LONRF3: variants seen among roughly 807,000 people sequenced by gnomAD.
LONRF3 encodes the protein LON peptidase N-terminal domain and ring finger 3, also known as LON peptidase N-terminal domain and RING finger protein 3.
A neutral mutation model predicts 51.7 loss-of-function variants in LONRF3; 19 were observed. That is an observed-to-expected ratio of 0.37 (90% CI 0.26 to 0.54). The LOEUF is 0.54. Ranked by LOEUF, LONRF3 falls within the 20% of genes least tolerant of loss-of-function variation. The pLI, the probability that LONRF3 is intolerant of heterozygous loss-of-function variation, is 0.86. For missense variants in LONRF3, 521 were observed against 623.9 expected (o/e 0.84, Z 1.76); for synonymous variants, 265 against 257.8 (o/e 1.03, Z -0.27).
At position 119,017,222 on chromosome X, in the gene LONRF3, G is replaced by C. The variant is rs377232773; in HGVS notation, c.2125-313G>C. 2.3e-4 allele frequency among the ~76,000 whole-genome samples: 26 copies of C among 111,768 alleles called. No homozygotes were observed. In the East Asian group the frequency reaches 7.1e-3, roughly 30 times the overall value. On this transcript the variant is annotated intron_variant, in intron 10 of 10. Coordinates refer to ENST00000371628, the MANE Select transcript of LONRF3 (RefSeq NM_001031855.3). ...TAGCTAGGGGAAAGGGAGAGAAAGA[G>C]GAAGGCAGAGGGCATATGCTTCTTT...
chrX:118,999,194 C>T (rs1279797399), intron 5 of LONRF3, among the ~76,000 whole-genome samples: 2 of 111,508 alleles, frequency 1.8e-5, no homozygotes, highest in Admixed American at 9.5e-5. Flanking sequence ...CTTTGGCAGA[C>T]CTGATAACAA....
intron 1 of LONRF3, among the ~76,000 whole-genome samples, 174 bp from the exon 2 acceptor site, chrX:118,978,171 G>A (rs1922236045): frequency 9.0e-6 from 1 of 111,074 alleles, no homozygotes; most frequent in African/African-American, 3.3e-5. Context: ...AGAGTGGCTG[G>A]GGGTATAGAA....
In LONRF3 at chrX:118,982,031, C is replaced by T. The variant is rs768431699; in HGVS notation, c.937-790C>T. On this transcript the variant is annotated intron_variant, in intron 2 of 10. Transcript: ENST00000371628. ...ACACACAGAGGGCAGCCCTCTCCCC[C>T]GCTACTCTTTTTTCTTCCTTCTTCC... Among the ~76,000 whole-genome samples, 4 of 112,091 alleles carry T rather than the reference C, an allele frequency of 3.6e-5. No homozygotes were observed. In the South Asian group the frequency reaches 1.1e-3, roughly 32 times the overall value.
chrX:119,000,726 T>G, intron 5 of LONRF3, among the ~76,000 whole-genome samples: 1 of 109,818 alleles, frequency 9.1e-6, no homozygotes, highest in East Asian at 2.9e-4. Context: ...TAACCTAGTT[T>G]TAGCTACTCA....
chrX:119,006,200 G>A lies in LONRF3; in HGVS notation c.1495G>A (p.Ala499Thr), dbSNP rs759140458. The A allele has an allele frequency of 2.5e-6, 3 of 1,193,710 alleles. No individual in the cohort carries two copies. Among genetic ancestry groups the A allele is most frequent in the African/African-American group, 3.5e-5 (2 of 57,427 alleles). Reference protein sequence around the residue: ...KCLERCLDHNAKCPLCKDGLS... With the variant: ...KCLERCLDHNTKCPLCKDGLS... The stretch of plus-strand genomic sequence containing the variant: ...CCTAGAAAGATGCCTAGATCACAAC[G>A]CAAAGTGTCCATTGTGCAAAGACGG... Residue 499 changes from alanine (A) to threonine (T), a missense_variant, in exon 6 of 11, where the codon GCA becomes ACA. Coordinates refer to ENST00000371628, the MANE Select transcript of LONRF3 (RefSeq NM_001031855.3).
intron 8 of LONRF3, chrX:119,012,797 T>C: frequency 1.3e-6 from 1 of 782,695 alleles, no homozygotes; most frequent in South Asian, 2.6e-5. Context: ...ATTCAAACCA[T>C]AGCACTGGCA....
intron 2 of LONRF3, among the ~76,000 whole-genome samples, chrX:118,980,381 A>G (rs1008179007): frequency 2.7e-5 from 3 of 112,227 alleles, no homozygotes; most frequent in South Asian, 3.7e-4. Flanking sequence ...TAAACACTTT[A>G]TATCAGTTTA....
chrX:119,002,502 A>G (rs1924389420), intron 5 of LONRF3, among the ~76,000 whole-genome samples: 1 of 112,036 alleles, frequency 8.9e-6, no homozygotes, highest in Admixed American at 9.5e-5. Context: ...TGAATCCACC[A>G]CAGTCTGTTT....
At chrX:119,012,397 A>C (rs937202135) in intron 8 of LONRF3, among the ~76,000 whole-genome samples, 42 of 110,893 alleles carry the variant, frequency 3.8e-4, no homozygotes, top group African/African-American at 1.4e-3. Context: ...AATAATGTAC[A>C]TAAAATGCTG....
chrX:119,012,924 A>G, intron 8 of LONRF3, 115 bp from the exon 9 acceptor site: 1 of 1,203,837 alleles, frequency 8.3e-7, no homozygotes, highest in Non-Finnish European at 1.1e-6. Flanking sequence ...GGGACAGGAA[A>G]ATAGGCAGAA....
chrX:118,996,063 T>A (rs1923845630), intron 5 of LONRF3, among the ~76,000 whole-genome samples: 1 of 112,312 alleles, frequency 8.9e-6, no homozygotes, highest in South Asian at 3.7e-4. Context: ...TTAAGGTATG[T>A]CCCTTGTATG....
In LONRF3 at chrX:119,006,401, T is replaced by C. The variant is rs1000677455; in HGVS notation, c.1530+166T>C. On this transcript the variant is annotated intron_variant, in intron 6 of 10. Coordinates refer to ENST00000371628, the MANE Select transcript of LONRF3 (RefSeq NM_001031855.3). ...AACCATCTATTTCTCCTGTCTTCTT[T>C]TTTTTTTTTTTTTTTTTTGACTGAG... Among the ~76,000 whole-genome samples the C allele has an allele frequency of 1.6e-4, 16 of 98,723 alleles. No individual in the cohort carries two copies. The South Asian group carries it at 2.5e-3, about 16-fold the overall frequency. The allele number at this position is 98,723 out of a possible 115,157, so 85.7% of individuals were successfully genotyped here. A position where few individuals can be genotyped will look rare whatever the true frequency, so the allele number is the denominator to read the frequency against.
At chrX:119,002,334 G>A (rs1219263601) in intron 5 of LONRF3, among the ~76,000 whole-genome samples, 3 of 111,962 alleles carry the variant, frequency 2.7e-5, no homozygotes, top group South Asian at 3.8e-4. Context: ...TCTAGGCGAT[G>A]CAATCTAGTT....
At chrX:118,978,940 T>C (rs1603245903) in intron 2 of LONRF3, among the ~76,000 whole-genome samples, 1 of 109,047 alleles carries the variant, frequency 9.2e-6, no homozygotes, top group East Asian at 2.9e-4. Context: ...AACGTTCTCT[T>C]TCTTCCCTTC....
At chrX:118,981,130 C>G (rs1309515550) in intron 2 of LONRF3, among the ~76,000 whole-genome samples, 1 of 111,275 alleles carries the variant, frequency 9.0e-6, no homozygotes, top group Non-Finnish European at 1.9e-5. Context: ...GTGTGGTACT[C>G]AGCACATCCT....
Position 119,014,285 on chromosome X carries a change from C to G in LONRF3, c.2053C>G (p.Leu685Val). The G allele has an allele frequency of 8.3e-7, 1 of 1,210,186 alleles. No homozygotes were observed. Among genetic ancestry groups the G allele is most frequent in the Non-Finnish European group, 1.1e-6 (1 of 894,127 alleles). Residue 685 changes from leucine (L) to valine (V), a missense_variant, in exon 10 of 11, where the codon CTC becomes GTC. This residue lies in a region of LONRF3 where 145 missense variants were observed against 247.2 expected (regional missense o/e 0.59). Coordinates refer to ENST00000371628, the MANE Select transcript of LONRF3 (RefSeq NM_001031855.3). ...GCAAGCATCATTGTGGTTTCATTCGCTCAAATTATCCCTAAAGAATCGGAT... is the reference window on the plus strand; with the variant it reads ...GCAAGCATCATTGTGGTTTCATTCGGTCAAATTATCCCTAAAGAATCGGAT... ...YQQASLWFHS[L>V]KLSLKNRILN...
rs769815680 is a variant in LONRF3 at position 118,974,996 on chromosome X, G to A, written c.216G>A (p.Thr72=). ...TSTPESKVLL[T]QADALASRGR... The stretch of plus-strand genomic sequence containing the variant: ...CGCCGGAGAGCAAAGTCCTGCTCAC[G>A]CAGGCAGACGCCTTGGCGTCCCGGG... Residue 72 remains threonine (T), a synonymous_variant, in exon 1 of 11, where the codon ACG becomes ACA. Transcript: ENST00000371628. The A allele has an allele frequency of 8.5e-7, 1 of 1,173,126 alleles. No homozygotes were observed. Among genetic ancestry groups the A allele is most frequent in the East Asian group, 3.2e-5 (1 of 31,245 alleles).
chrX:119,008,604 G>A (rs962073059), intron 6 of LONRF3, among the ~76,000 whole-genome samples: 7 of 111,826 alleles, frequency 6.3e-5, no homozygotes, highest in Non-Finnish European at 1.3e-4. Context: ...GAAAAAATAG[G>A]TATATTTGGC....
intron 1 of LONRF3, 128 bp downstream of exon 1, chrX:118,975,725 T>TGGG: frequency 2.5e-5 from 1 of 40,059 alleles, no homozygotes; most frequent in East Asian, 5.9e-4. Context: ...CCATGGACTG[T>TGGG]GGCGGGGTGG....
Sources: allele counts gnomAD v4.1 joint callset (sites outside exome capture counted in the v4.1 genomes callset), GRCh38; gene constraint gnomAD v4.1.1; regional missense constraint gnomAD v4.1.1; transcripts MANE v1.5; gene names NCBI Gene and HGNC (gene_info 2026-07-23, HGNC 2026-07-21).